The following FHIT variants were observed in gnomAD, a reference collection of about 807,000 sequenced individuals.
FHIT encodes fragile histidine triad diadenosine triphosphatase.
FHIT carries 19 observed loss-of-function variants against 17.9 expected under a neutral mutation model. The ratio of observed to expected loss-of-function variants is 1.06; its 90% CI spans 0.74 to 1.56. The LOEUF is 1.56. FHIT is among the 40% of genes most tolerant of loss of function. The pLI, the probability that FHIT is intolerant of heterozygous loss-of-function variation, is 0.00. For synonymous variants in FHIT, 81 were observed against 69.7 expected (o/e 1.16, Z -0.81); for missense variants, 248 against 189.2 (o/e 1.31, Z -1.82).
chr3:61,212,318 G>C (rs1191663898), intron 1 of FHIT, among the ~76,000 whole-genome samples: 1 of 152,210 alleles, frequency 6.6e-6, no homozygotes, highest in Non-Finnish European at 1.5e-5. Flanking sequence ...GGAGCTGATG[G>C]AGCTGAAAGC....
chr3:60,066,629 AATTT>A, intron 5 of FHIT, among the ~76,000 whole-genome samples: 1 of 95,476 alleles, frequency 1.0e-5, no homozygotes, highest in Non-Finnish European at 2.2e-5. Context: ...ATCCCTGACA[AATTT>A]TTTTTTTTTT....
intron 5 of FHIT, among the ~76,000 whole-genome samples, chr3:60,073,502 G>T (rs202188405): frequency 6.6e-6 from 1 of 151,884 alleles, no homozygotes. Context: ...TTCGTCTCAC[G>T]TTTGCTCTCT....
At chr3:60,019,240 C>T (rs1326399603) in intron 5 of FHIT, among the ~76,000 whole-genome samples, 2 of 151,978 alleles carry the variant, frequency 1.3e-5, no homozygotes, top group Non-Finnish European at 2.9e-5. Context: ...CACAAGCCAA[C>T]CCAGATTCAA....
chr3:60,433,108 T>TG (rs1181364330), intron 5 of FHIT, among the ~76,000 whole-genome samples: 1 of 152,076 alleles, frequency 6.6e-6, no homozygotes, highest in African/African-American at 2.4e-5. Context: ...CACTATCCCC[T>TG]GGTAATGACC....
At chr3:60,039,793 T>C (rs541680715) in intron 5 of FHIT, among the ~76,000 whole-genome samples, 74 of 152,282 alleles carry the variant, frequency 4.9e-4, no homozygotes, top group African/African-American at 1.8e-3. Context: ...ACCAAATGTA[T>C]TGAGTTGAAA....
chr3:60,618,594 G>C (rs957172185), intron 4 of FHIT, among the ~76,000 whole-genome samples: 1 of 152,172 alleles, frequency 6.6e-6, no homozygotes, highest in Non-Finnish European at 1.5e-5. Context: ...TTGAAAACAA[G>C]TTCTACTGTG....
chr3:60,182,372 C>T (rs1266965412), intron 5 of FHIT, among the ~76,000 whole-genome samples: 2 of 152,184 alleles, frequency 1.3e-5, no homozygotes, highest in African/African-American at 4.8e-5. Context: ...AGAGCACTGC[C>T]TATTAGCATC....
At chr3:59,831,343 TCTA>T (rs1701156814) in intron 8 of FHIT, among the ~76,000 whole-genome samples, 1 of 152,132 alleles carries the variant, frequency 6.6e-6, no homozygotes, top group African/African-American at 2.4e-5. Flanking sequence ...TGCTTGCCAG[TCTA>T]CTAAGTGCCT....
chr3:60,269,400 G>A (rs1222536864), intron 5 of FHIT, among the ~76,000 whole-genome samples: 1 of 152,170 alleles, frequency 6.6e-6, no homozygotes, highest in Non-Finnish European at 1.5e-5. Context: ...AAGCTAAACT[G>A]TCCTGGATCA....
intron 4 of FHIT, among the ~76,000 whole-genome samples, chr3:60,740,859 G>A (rs1396342333): frequency 1.3e-5 from 2 of 152,218 alleles, no homozygotes; most frequent in Non-Finnish European, 1.5e-5. Flanking sequence ...TTGGGGTTAT[G>A]TTGATGAGTT....
At chr3:60,007,149 T>G (rs1413431126) in intron 7 of FHIT, among the ~76,000 whole-genome samples, 4 of 152,168 alleles carry the variant, frequency 2.6e-5, no homozygotes, top group Non-Finnish European at 5.9e-5. Context: ...CTGTCCTTAA[T>G]ATACCTAAAA....
chr3:60,110,280 AGGGTAAGTG>A (rs1248437203), intron 5 of FHIT, among the ~76,000 whole-genome samples: 1 of 152,200 alleles, frequency 6.6e-6, no homozygotes, highest in Non-Finnish European at 1.5e-5. Context: ...ATCTCTAAGC[AGGGTAAGTG>A]GGCTCAGAAT....
chr3:60,496,445 G>A (rs1481496951), intron 5 of FHIT, among the ~76,000 whole-genome samples: 1 of 152,160 alleles, frequency 6.6e-6, no homozygotes, highest in Non-Finnish European at 1.5e-5. Context: ...ATCCAATAAT[G>A]TGGTACCATC....
intron 5 of FHIT, among the ~76,000 whole-genome samples, chr3:60,162,245 G>C (rs565177540): frequency 6.6e-6 from 1 of 152,060 alleles, no homozygotes; most frequent in Admixed American, 6.6e-5. Context: ...TTAAAATTTT[G>C]TTGTGTCATT....
chr3:61,210,032 T>G (rs1015871227), intron 1 of FHIT, among the ~76,000 whole-genome samples: 1 of 152,182 alleles, frequency 6.6e-6, no homozygotes, highest in Non-Finnish European at 1.5e-5. Flanking sequence ...CTTCTAACAG[T>G]CAGGATGCTC....
Position 60,176,863 on chromosome 3 carries a change from T to A in FHIT, c.104-162711A>T, listed in dbSNP as rs141282949. Among the ~76,000 whole-genome samples the A allele has an allele frequency of 1.8e-4, 27 of 152,288 alleles. No individual in the cohort carries two copies. In the East Asian group the frequency reaches 5.0e-3, roughly 28 times the overall value. ...CCATAAAATCCGTTGCTTGGAAATA[T>A]GAAACCCTTTTGGCTACTTAATGTT... On this transcript the variant is annotated intron_variant, in intron 5 of 9. Transcript: ENST00000492590.
At chr3:61,212,492 T>C (rs2039515252) in intron 1 of FHIT, among the ~76,000 whole-genome samples, 1 of 152,132 alleles carries the variant, frequency 6.6e-6, no homozygotes, top group African/African-American at 2.4e-5. Flanking sequence ...CCAAGAAATA[T>C]GGGACTATGT....
In FHIT at chr3:60,646,093, T is replaced by C. The variant is rs555229383; in HGVS notation, c.-17-109114A>G. On this transcript the variant is annotated intron_variant, in intron 4 of 9. Coordinates refer to ENST00000492590, the MANE Select transcript of FHIT (RefSeq NM_002012.4). ...ATGGTCAGAAAGAACTTTACCAAAT[T>C]TGGTTACTTGTTTTTAATGGAAGGA... Among the ~76,000 whole-genome samples, 29 of 152,270 alleles carry C rather than the reference T, an allele frequency of 1.9e-4. No homozygotes were observed. The South Asian group carries it at 4.8e-3, about 25-fold the overall frequency.
At chr3:61,145,960 T>A (rs1227893861) in intron 2 of FHIT, among the ~76,000 whole-genome samples, 3 of 152,014 alleles carry the variant, frequency 2.0e-5, no homozygotes, top group Middle Eastern at 3.2e-3. Flanking sequence ...TTTGTCCCCA[T>A]CATACTTATA....
Sources: gnomAD v4.1 joint callset for allele counts (sites outside exome capture counted in the v4.1 genomes callset) on GRCh38, gnomAD v4.1.1 for gene constraint, MANE v1.5 for transcripts, NCBI Gene and HGNC (gene_info 2026-07-23, HGNC 2026-07-21) for gene names.